ALMS1: variants seen among roughly 807,000 people sequenced by gnomAD.
ALMS1 encodes ALMS1 centrosome and basal body associated protein, also known as centrosome-associated protein ALMS1.
ALMS1 carries 271 observed loss-of-function variants against 352.2 expected under a neutral mutation model. That is an observed-to-expected ratio of 0.77 (90% CI 0.70 to 0.85). The LOEUF (loss-of-function observed/expected upper bound fraction) is 0.85, where lower values mean the gene tolerates loss of function less well. Ranked by LOEUF, ALMS1 falls within the 40% of genes least tolerant of loss-of-function variation. The pLI is 0.00. For synonymous variants in ALMS1, 1,865 were observed against 1,761.2 expected, an observed-to-expected ratio of 1.06 and a Z score of -1.48; for missense variants, 5,445 against 4,870.7, an observed-to-expected ratio of 1.12 and a Z score of -3.51.
chr2:73,479,159 C>G (rs1484190355), intron 9 of ALMS1, among the ~76,000 whole-genome samples: 1 of 152,028 alleles, frequency 6.6e-6, no homozygotes, highest in East Asian at 1.9e-4. Context: ...TTTAAGTCAA[C>G]ATTTTGTTTT....
chr2:73,545,181 GTTT>G (rs199515863), intron 12 of ALMS1, among the ~76,000 whole-genome samples: 2 of 139,888 alleles, frequency 1.4e-5, no homozygotes, highest in African/African-American at 2.6e-5. Context: ...ATTTTTTGTG[GTTT>G]TTTTTTTTTT....
Position 73,412,387 on chromosome 2 carries a change from ATGT to A in ALMS1, c.450+3646_450+3648del, listed in dbSNP as rs1177208304. Among the ~76,000 whole-genome samples, 8 of 152,210 alleles carry A rather than the reference ATGT, an allele frequency of 5.3e-5. No homozygotes were observed. In the South Asian group the frequency reaches 1.0e-3, roughly 20 times the overall value. ...TTGGCTTAGCTTTTGAGATTTATCCATGTTGTTGCATGTATCAATAATTTGTCC... is the reference window on the plus strand; with the variant it reads ...TTGGCTTAGCTTTTGAGATTTATCCATGTTGCATGTATCAATAATTTGTCC... On this transcript the variant is annotated intron_variant, in intron 2 of 22. Coordinates refer to ENST00000613296, the MANE Select transcript of ALMS1 (RefSeq NM_001378454.1).
chr2:73,463,856 C>T (rs199722426), intron 9 of ALMS1, among the ~76,000 whole-genome samples: 128,933 of 148,206 alleles, frequency 0.87, 56,189 homozygotes, highest in Admixed American at 0.92. Context: ...AAGAAATGGA[C>T]AAATTCTTTG....
intron 13 of ALMS1, among the ~76,000 whole-genome samples, chr2:73,551,377 C>G (rs1674427755): frequency 6.7e-6 from 1 of 148,152 alleles, no homozygotes; most frequent in East Asian, 2.0e-4. Context: ...CTGCTTCATT[C>G]ATCCACCTTA....
At chr2:73,388,826 T>C (rs1203229208) in intron 1 of ALMS1, among the ~76,000 whole-genome samples, 1 of 152,192 alleles carries the variant, frequency 6.6e-6, no homozygotes, top group East Asian at 1.9e-4. Flanking sequence ...GGCGTCTAGC[T>C]GGTGTAGAAC....
intron 15 of ALMS1, among the ~76,000 whole-genome samples, chr2:73,568,582 C>T (rs961347119): frequency 1.3e-5 from 2 of 152,060 alleles, no homozygotes; most frequent in Non-Finnish European, 1.5e-5. Context: ...CTCTACTTGG[C>T]AGGAATTTTT....
chr2:73,577,843 C>T lies in ALMS1; in HGVS notation c.11547+4419C>T, dbSNP rs551439389. ...TTGAGAATTTTATGTGCATTTAAGA[C>T]GAATGTGTATTCTGTTGCTGTTTGG... On this transcript the variant is annotated intron_variant, in intron 16 of 22. Coordinates refer to ENST00000613296, the MANE Select transcript of ALMS1 (RefSeq NM_001378454.1). Among the ~76,000 whole-genome samples, 9 of 152,238 alleles carry T rather than the reference C, an allele frequency of 5.9e-5. No homozygotes were observed. In the South Asian group the frequency reaches 1.7e-3, roughly 28 times the overall value.
In ALMS1 at chr2:73,449,926, G is replaced by C; in HGVS notation, c.3399G>C (p.Lys1133Asn). The C allele has an allele frequency of 6.2e-7, 1 of 1,613,870 alleles. No individual in the cohort carries two copies. The highest frequency in any genetic ancestry group is 8.5e-7 in the Non-Finnish European group (1 of 1,179,946). The change falls in exon 8 of 23, where the codon AAG (lysine) becomes AAC (asparagine). Residue 1133 changes from lysine to asparagine, a missense_variant. By Grantham distance (94) the Lys-to-Asn change is moderately conservative (BLOSUM62 0). Coordinates refer to ENST00000613296, the MANE Select transcript of ALMS1 (RefSeq NM_001378454.1). Reference sequence around the variant, plus strand: ...TAGCTCCTGGACTAGCAGACCAGAAGACTGGCACACCAACTGTAACCTCAA... The same window carrying C: ...TAGCTCCTGGACTAGCAGACCAGAACACTGGCACACCAACTGTAACCTCAA... ...ISVAPGLADQ[K>N]TGTPTVTSTS...
chr2:73,544,855 T>C (rs1042870089), intron 12 of ALMS1, among the ~76,000 whole-genome samples: 1 of 152,186 alleles, frequency 6.6e-6, no homozygotes, highest in Non-Finnish European at 1.5e-5. Context: ...ATATGTGTAA[T>C]GGAGTATTAT....
intron 12 of ALMS1, among the ~76,000 whole-genome samples, chr2:73,548,034 G>A (rs1029223573): frequency 1.3e-5 from 2 of 152,118 alleles, no homozygotes; most frequent in Non-Finnish European, 2.9e-5. Context: ...ATTTACTGAG[G>A]TGGAGATTGA....
At chr2:73,456,474 G>A (rs532111090) in intron 9 of ALMS1, among the ~76,000 whole-genome samples, 16 of 152,270 alleles carry the variant, frequency 1.1e-4, no homozygotes, top group African/African-American at 3.9e-4. Flanking sequence ...TGGATTATGT[G>A]AGATAATGCC....
At chr2:73,464,016 A>C (rs567898582) in intron 9 of ALMS1, among the ~76,000 whole-genome samples, 30 of 152,348 alleles carry the variant, frequency 2.0e-4, no homozygotes, top group African/African-American at 7.2e-4. Context: ...TACCAGAGGT[A>C]CAAAGAGGAG....
intron 10 of ALMS1, among the ~76,000 whole-genome samples, chr2:73,493,539 A>T (rs943614611): frequency 6.6e-6 from 1 of 152,088 alleles, no homozygotes; most frequent in Non-Finnish European, 1.5e-5. Context: ...CATGATCAAC[A>T]TGGAGAAGCC....
intron 11 of ALMS1, among the ~76,000 whole-genome samples, chr2:73,533,033 T>C (rs529962636): frequency 2.2e-4 from 34 of 152,308 alleles, no homozygotes; most frequent in African/African-American, 7.2e-4. Flanking sequence ...AACTAGGTCA[T>C]GGAATGGAGG....
In ALMS1 at chr2:73,435,584, G is replaced by A. The variant is rs1572921789; in HGVS notation, c.1432+3293G>A. Reference sequence around the variant, plus strand: ...ATTGTTATACATACTACTCACACACGTATATAAATGCCTTTAAGTTTTTGT... The same window carrying A: ...ATTGTTATACATACTACTCACACACATATATAAATGCCTTTAAGTTTTTGT... On this transcript the variant is annotated intron_variant, in intron 7 of 22. Transcript: ENST00000613296. Among the ~76,000 whole-genome samples, 4 of 150,714 alleles carry A rather than the reference G, an allele frequency of 2.7e-5. No individual in the cohort carries two copies. The East Asian group carries it at 5.8e-4, about 22-fold the overall frequency.
chr2:73,579,063 C>CTTTTTTTTTT (rs372240184), intron 16 of ALMS1, among the ~76,000 whole-genome samples: 2,517 of 118,372 alleles, frequency 0.021, 335 homozygotes, highest in African/African-American at 0.034. Flanking sequence ...CTCCTTTATT[C>CTTTTTTTTTT]TTTTTTTATT....
At chr2:73,554,413 A>G (rs577318756) in intron 13 of ALMS1, among the ~76,000 whole-genome samples, 15 of 152,064 alleles carry the variant, frequency 9.9e-5, no homozygotes, top group Non-Finnish European at 1.9e-4. Flanking sequence ...ACCAGGAAAT[A>G]GAGAAAGTAG....
rs58686365 is a variant in ALMS1, at chr2:73,408,864, CTTTTTTTT to C, written c.450+136_450+143del. ...ATTCATTAATATTATGTTTTCTTGT[CTTTTTTTT>C]TTTTTTTTTTTTTTTTTTAAGACAG... On this transcript the variant is annotated intron_variant, in intron 2 of 22. Coordinates refer to ENST00000613296, the MANE Select transcript of ALMS1 (RefSeq NM_001378454.1). 2.6e-3 allele frequency: 484 copies of C among 188,526 alleles called. 2 individuals carry two copies. Among genetic ancestry groups the C allele is most frequent in the African/African-American group, 0.01 (227 of 21,820 alleles). 11.7% of individuals were successfully genotyped at this position (188,526 alleles called of 1,614,324 possible). A position where few individuals can be genotyped will look rare whatever the true frequency, so the allele number is the denominator to read the frequency against.
chr2:73,543,780 G>C (rs1282797500), intron 12 of ALMS1, among the ~76,000 whole-genome samples: 1 of 152,114 alleles, frequency 6.6e-6, no homozygotes, highest in Non-Finnish European at 1.5e-5. Context: ...ATCATCACTG[G>C]CCGTCAGAGA....
Sources: allele counts gnomAD v4.1 joint callset (sites outside exome capture counted in the v4.1 genomes callset), GRCh38; gene constraint gnomAD v4.1.1; transcripts MANE v1.5; gene names NCBI Gene and HGNC (gene_info 2026-07-23, HGNC 2026-07-21).